The following CD109 variants were observed in gnomAD, a reference collection of about 807,000 sequenced individuals.
The protein encoded by CD109 is CD109 molecule, also known as CD109 antigen.
A neutral mutation model predicts 165.8 loss-of-function variants in CD109; 149 were observed. That is an observed-to-expected ratio of 0.90 (90% CI 0.79 to 1.03). The LOEUF is 1.03. Among genes scored for constraint, CD109 ranks in the 50% least tolerant of loss-of-function variants. The pLI, the probability that CD109 is intolerant of heterozygous loss-of-function variation, is 0.00. For synonymous variants in CD109, 585 were observed against 592.1 expected, an observed-to-expected ratio of 0.99 and a Z score of 0.18; for missense variants, 1,712 against 1,677.8, an observed-to-expected ratio of 1.02 and a Z score of -0.36.
chr6:73,818,396 G>T lies in CD109; in HGVS notation c.3920G>T (p.Gly1307Val). 6.2e-7 allele frequency: 1 copy of T among 1,613,726 alleles called. No individual in the cohort carries two copies. Among genetic ancestry groups the T allele is most frequent in the South Asian group, 1.1e-5 (1 of 91,062 alleles). Residue 1307 changes from glycine to valine, a missense_variant, in exon 31 of 33, where the codon GGC (glycine) becomes GTC (valine). Gly to Val is a moderately radical substitution (Grantham distance 109, BLOSUM62 -3). Transcript: ENST00000287097. The part of the protein sequence containing the change: ...VDLNVCTSFS[G>V]PGRSGMALME... Reference sequence around the variant, plus strand: ...CTCCCTCTTTGATTTAGCTTTTCGGGCCCGGGTAGGAGTGGCATGGCTCTT... The same window carrying T: ...CTCCCTCTTTGATTTAGCTTTTCGGTCCCGGGTAGGAGTGGCATGGCTCTT...
At chr6:73,709,609 GA>G (rs1771445670) in intron 2 of CD109, among the ~76,000 whole-genome samples, 1 of 152,056 alleles carries the variant, frequency 6.6e-6, no homozygotes, top group Admixed American at 6.6e-5. Flanking sequence ...CCATTTTCCT[GA>G]TACCAAAGCC....
intron 2 of CD109, among the ~76,000 whole-genome samples, chr6:73,708,004 A>G (rs1035887863): frequency 1.3e-5 from 1 of 79,840 alleles, no homozygotes; most frequent in East Asian, 3.5e-4. Flanking sequence ...ATATATATAT[A>G]TATATTTATT....
intron 2 of CD109, among the ~76,000 whole-genome samples, chr6:73,713,770 C>G (rs534632871): frequency 2.0e-5 from 3 of 152,366 alleles, no homozygotes; most frequent in South Asian, 4.1e-4. Context: ...ATTTCCTGCA[C>G]TTCAAATCTG....
chr6:73,687,813 A>G, the CD109 span, among the ~76,000 whole-genome samples: 2 of 152,196 alleles, frequency 1.3e-5, no homozygotes, highest in Non-Finnish European at 2.9e-5. Flanking sequence ...TGCTTCTACC[A>G]TGACCGCAAG....
At chr6:73,700,202 C>A (rs193180562) in intron 2 of CD109, among the ~76,000 whole-genome samples, 201 of 152,260 alleles carry the variant, frequency 1.3e-3, no homozygotes, top group Middle Eastern at 0.01. Flanking sequence ...CTGTCTCAGC[C>A]TCCTGAATCA....
At chr6:73,786,346 A>C (rs1387069466) in intron 20 of CD109, among the ~76,000 whole-genome samples, 1 of 152,204 alleles carries the variant, frequency 6.6e-6, no homozygotes, top group Non-Finnish European at 1.5e-5. Context: ...ACATGGATGA[A>C]AATGACATGA....
At position 73,763,578 on chromosome 6, in the gene CD109, A is replaced by G. The variant is rs1376775114; in HGVS notation, c.1000A>G (p.Ile334Val). 2.0e-6 allele frequency: 3 copies of G among 1,537,192 alleles called. No homozygotes were observed. Among genetic ancestry groups the G allele is most frequent in the Non-Finnish European group, 2.7e-6 (3 of 1,128,924 alleles). Reference sequence around the variant, plus strand: ...AAATTGTGCAATTTCCAAAAAAGGTATTTCAAGAAATGTAAGCACTAATGT... The same window carrying G: ...AAATTGTGCAATTTCCAAAAAAGGTGTTTCAAGAAATGTAAGCACTAATGT... Reference protein sequence around the residue: ...LTTVTESVTGISRNVSTNVFF... With the variant: ...LTTVTESVTGVSRNVSTNVFF... Residue 334 changes from isoleucine to valine, a missense_variant and splice_region_variant, in exon 10 of 33, where the codon ATT becomes GTT. Ile to Val is a conservative substitution (Grantham distance 29). Coordinates refer to ENST00000287097, the MANE Select transcript of CD109 (RefSeq NM_133493.5).
chr6:73,777,577 G>A (rs553230914), intron 15 of CD109, among the ~76,000 whole-genome samples: 59 of 152,208 alleles, frequency 3.9e-4, no homozygotes, highest in East Asian at 2.1e-3. Context: ...TCCATCTTGC[G>A]TTAATTTTTG....
At chr6:73,772,950 G>A (rs1582135609) in intron 15 of CD109, among the ~76,000 whole-genome samples, 1 of 126,760 alleles carries the variant, frequency 7.9e-6, no homozygotes, top group Non-Finnish European at 1.7e-5. Context: ...TTCTCTCTTT[G>A]ACTTTTCCTG....
At chr6:73,709,967 A>G (rs951719446) in intron 2 of CD109, among the ~76,000 whole-genome samples, 5 of 152,212 alleles carry the variant, frequency 3.3e-5, no homozygotes, top group Non-Finnish European at 7.3e-5. Flanking sequence ...TATTCATGAC[A>G]AACCCACAGC....
In CD109 at chr6:73,783,780, A is replaced by G. The variant is rs2150253773; in HGVS notation, c.2179A>G (p.Ile727Val). The change falls in exon 19 of 33, where the codon ATC becomes GTC. Residue 727 changes from isoleucine (I) to valine (V), a missense_variant. Coordinates refer to ENST00000287097, the MANE Select transcript of CD109 (RefSeq NM_133493.5). ...TTCTTGGGTGGCTACTGGTTTTGTG[A>G]TCTCTGAGGACCTGGGTCTTGGACT... ...ITSWVATGFV[I>V]SEDLGLGLTT... is the part of the protein sequence containing the mutation. 4 of 1,612,692 alleles carry G rather than the reference A, an allele frequency of 2.5e-6. No homozygotes were observed. The highest frequency in any genetic ancestry group is 3.4e-6 in the Non-Finnish European group (4 of 1,179,002).
intron 2 of CD109, among the ~76,000 whole-genome samples, chr6:73,708,064 A>G (rs961160853): frequency 8.0e-5 from 12 of 149,418 alleles, no homozygotes; most frequent in Admixed American, 6.7e-5. Context: ...TTTGTTACAT[A>G]TGTATACATG....
intron 23 of CD109, among the ~76,000 whole-genome samples, chr6:73,794,411 A>G (rs1775083559): frequency 6.6e-6 from 1 of 152,188 alleles, no homozygotes; most frequent in Non-Finnish European, 1.5e-5. Flanking sequence ...AAGAAGTCTC[A>G]CTGGAGGTTT....
At chr6:73,705,519 G>A (rs1216522835) in intron 2 of CD109, among the ~76,000 whole-genome samples, 2 of 152,070 alleles carry the variant, frequency 1.3e-5, no homozygotes, top group African/African-American at 4.8e-5. Context: ...ACATGTGCTT[G>A]TAGTCCCAGC....
At chr6:73,698,996 T>C (rs1381186670) in intron 2 of CD109, among the ~76,000 whole-genome samples, 1 of 152,222 alleles carries the variant, frequency 6.6e-6, no homozygotes, top group African/African-American at 2.4e-5. Flanking sequence ...CAACAATTGC[T>C]AATATTATTA....
intron 2 of CD109, among the ~76,000 whole-genome samples, chr6:73,716,386 A>C (rs1299870813): frequency 6.6e-6 from 1 of 152,104 alleles, no homozygotes; most frequent in Non-Finnish European, 1.5e-5. Context: ...GCTAATTTTC[A>C]TTTCCATCAA....
chr6:73,793,800 A>G (rs1180927437), intron 23 of CD109, among the ~76,000 whole-genome samples: 2 of 152,218 alleles, frequency 1.3e-5, no homozygotes, highest in Non-Finnish European at 2.9e-5. Flanking sequence ...TCTCTGCACA[A>G]TTTGTATGAT....
At chr6:73,695,882 G>A, upstream of CD109, 1 of 361,594 alleles carries the variant, frequency 2.8e-6, no homozygotes, top group Non-Finnish European at 5.1e-6. Context: ...GGAACCCGGT[G>A]GGCCGGGGAA....
In CD109 at chr6:73,792,765, T is replaced by G. The variant is rs767770529; in HGVS notation, c.2841T>G (p.Asp947Glu). The G allele has an allele frequency of 4.3e-6, 7 of 1,611,306 alleles. No individual in the cohort carries two copies. Among genetic ancestry groups the G allele is most frequent in the South Asian group, 3.3e-5 (3 of 90,804 alleles). Reference sequence around the variant, plus strand: ...TGACTAAAAAGAAACAACTGACAGATAATTTGAAAGAAAAAGCTCTTTCAT... The same window carrying G: ...TGACTAAAAAGAAACAACTGACAGAGAATTTGAAAGAAAAAGCTCTTTCAT... Reference protein sequence around the residue: ...DYLTKKKQLTDNLKEKALSFM... With the variant: ...DYLTKKKQLTENLKEKALSFM... The change falls in exon 23 of 33, where the codon GAT (aspartate) becomes GAG (glutamate). Residue 947 changes from aspartate (D) to glutamate (E), a missense_variant. Physicochemically the swap from Asp to Glu is conservative, Grantham distance 45. Transcript: ENST00000287097.
Sources: gnomAD v4.1 joint callset for allele counts (sites outside exome capture counted in the v4.1 genomes callset) on GRCh38, gnomAD v4.1.1 for gene constraint, MANE v1.5 for transcripts, NCBI Gene and HGNC (gene_info 2026-07-23, HGNC 2026-07-21) for gene names.